CYP7B1: variants seen among roughly 807,000 people sequenced by gnomAD.
The protein encoded by CYP7B1 is cytochrome P450 7B1.
Under a neutral mutation model 42.7 loss-of-function variants are expected in CYP7B1, and 29 were observed. The observed-to-expected ratio is 0.68, with a 90% CI of 0.51 to 0.93. The LOEUF (loss-of-function observed/expected upper bound fraction) is 0.93. CYP7B1 is among the 40% of genes least tolerant of loss of function. CYP7B1 has a pLI of 0.00. For synonymous variants in CYP7B1, 235 were observed against 218.2 expected (o/e 1.08, Z -0.68); for missense variants, 655 against 600.5 (o/e 1.09, Z -0.95).
At chr8:64,679,162 T>TTTG (rs1338823920) in intron 1 of CYP7B1, among the ~76,000 whole-genome samples, 1 of 152,184 alleles carries the variant, frequency 6.6e-6, no homozygotes, top group Non-Finnish European at 1.5e-5. Context: ...ATAATCAAAC[T>TTTG]ATTTTTCCAC....
intron 1 of CYP7B1, among the ~76,000 whole-genome samples, chr8:64,792,537 T>G (rs1804635859): frequency 6.6e-6 from 1 of 152,158 alleles, no homozygotes; most frequent in African/African-American, 2.4e-5. Flanking sequence ...AATCAATTGT[T>G]GAAAAGATTA....
At chr8:64,605,766 T>C (rs1375308759) in intron 4 of CYP7B1, among the ~76,000 whole-genome samples, 1 of 152,020 alleles carries the variant, frequency 6.6e-6, no homozygotes, top group Non-Finnish European at 1.5e-5. Flanking sequence ...TAATCAGCAA[T>C]ATGAAAAAAA....
Position 64,776,076 on chromosome 8 carries a change from A to C in CYP7B1, c.122+22390T>G, listed in dbSNP as rs574607754. Among the ~76,000 whole-genome samples the C allele has an allele frequency of 2.6e-5, 4 of 152,254 alleles. No homozygotes were observed. The South Asian group carries it at 6.2e-4, about 24-fold the overall frequency. On this transcript the variant is annotated intron_variant, in intron 1 of 5. Coordinates refer to ENST00000310193, the MANE Select transcript of CYP7B1 (RefSeq NM_004820.5). Reference sequence around the variant, plus strand: ...TCTTTCAATAAGGAGATGTATTCTTAGTTATTTTATAGACCTGGTTGTAAC... The same window carrying C: ...TCTTTCAATAAGGAGATGTATTCTTCGTTATTTTATAGACCTGGTTGTAAC...
At chr8:64,720,410 T>C (rs968004571) in intron 1 of CYP7B1, among the ~76,000 whole-genome samples, 2 of 152,174 alleles carry the variant, frequency 1.3e-5, no homozygotes, top group Non-Finnish European at 2.9e-5. Context: ...TCAGCTGACC[T>C]ATAAAAGAGT....
At chr8:64,739,054 T>C (rs1807532060) in intron 1 of CYP7B1, among the ~76,000 whole-genome samples, 1 of 152,086 alleles carries the variant, frequency 6.6e-6, no homozygotes, top group African/African-American at 2.4e-5. Context: ...ATTTGTGAAA[T>C]ATTCAGAGCA....
intron 1 of CYP7B1, among the ~76,000 whole-genome samples, chr8:64,760,062 C>A (rs1807863484): frequency 6.6e-6 from 1 of 151,828 alleles, no homozygotes; most frequent in Non-Finnish European, 1.5e-5. Context: ...AATCACAGGC[C>A]AATAGAATAA....
chr8:64,597,059 G>T, intron 5 of CYP7B1, 130 bp from the exon 6 acceptor site: 4 of 731,006 alleles, frequency 5.5e-6, no homozygotes, highest in Non-Finnish European at 8.5e-6. Context: ...AGAAAAACTT[G>T]GCTGAGTGCA....
intron 1 of CYP7B1, among the ~76,000 whole-genome samples, chr8:64,624,952 T>C (rs1421700486): frequency 3.0e-3 from 24 of 8,080 alleles, no homozygotes; most frequent in African/African-American, 6.0e-3. Context: ...TATATCATTC[T>C]TTTTTTTTTT....
intron 1 of CYP7B1, among the ~76,000 whole-genome samples, chr8:64,666,888 C>T (rs1806288341): frequency 6.6e-6 from 1 of 152,156 alleles, no homozygotes; most frequent in Non-Finnish European, 1.5e-5. Context: ...CTGAGAGTTT[C>T]ATGTGAAAAT....
Position 64,607,909 on chromosome 8 carries a change from A to C in CYP7B1, c.1058-3052T>G, listed in dbSNP as rs77583649. Reference sequence around the variant, plus strand: ...CAAGAATGCAAATATTTTGAGATAAAATTTACACCAGGCACTGCAAGCTGC... The same window carrying C: ...CAAGAATGCAAATATTTTGAGATAACATTTACACCAGGCACTGCAAGCTGC... On this transcript the variant is annotated intron_variant, in intron 4 of 5. Transcript: ENST00000310193. Among the ~76,000 whole-genome samples, 418 of 152,348 alleles carry C rather than the reference A, an allele frequency of 2.7e-3. 5 individuals are homozygous for C. Among genetic ancestry groups the C allele is most frequent in the African/African-American group, 9.7e-3 (404 of 41,572 alleles).
chr8:64,771,219 C>A (rs867692952), intron 1 of CYP7B1, among the ~76,000 whole-genome samples: 20 of 151,694 alleles, frequency 1.3e-4, no homozygotes, highest in African/African-American at 4.8e-4. Flanking sequence ...TGCCACCATG[C>A]CCAGCTAATC....
intron 1 of CYP7B1, among the ~76,000 whole-genome samples, chr8:64,741,213 C>A (rs1169457854): frequency 1.3e-5 from 2 of 151,796 alleles, no homozygotes; most frequent in Non-Finnish European, 2.9e-5. Context: ...TAAAGAAAAA[C>A]CAGAAAATAA....
At position 64,594,908 on chromosome 8, in the gene CYP7B1, A is replaced by C. The variant is rs892582914; in HGVS notation, c.*1734T>G. On this transcript the variant is annotated 3_prime_UTR_variant, in exon 6 of 6. Coordinates refer to ENST00000310193, the MANE Select transcript of CYP7B1 (RefSeq NM_004820.5). ...GAGAAGATTCCATACTTGATGGGAG[A>C]CACCTGTGCTCAGATTCAAGAAGCA... is the stretch of plus-strand genomic sequence containing the variant. Among the ~76,000 whole-genome samples the C allele has an allele frequency of 6.6e-6, 1 of 152,238 alleles. No homozygotes were observed. The highest frequency in any genetic ancestry group is 1.5e-5 in the Non-Finnish European group (1 of 68,034).
At chr8:64,664,683 T>C (rs747367007) in intron 1 of CYP7B1, among the ~76,000 whole-genome samples, 1 of 152,182 alleles carries the variant, frequency 6.6e-6, no homozygotes, top group Non-Finnish European at 1.5e-5. Context: ...ATGGACTTTC[T>C]CTTGATGAGT....
intron 5 of CYP7B1, among the ~76,000 whole-genome samples, chr8:64,599,278 T>A (rs1388004030): frequency 1.3e-5 from 2 of 152,134 alleles, no homozygotes; most frequent in Non-Finnish European, 1.5e-5. Context: ...AAGCTCTGCC[T>A]CCTGGGTTCA....
Position 64,665,064 on chromosome 8 carries a change from C to G in CYP7B1, c.123-40525G>C, listed in dbSNP as rs141179204. On this transcript the variant is annotated intron_variant, in intron 1 of 5. Coordinates refer to ENST00000310193, the MANE Select transcript of CYP7B1 (RefSeq NM_004820.5). ...CTATGTGTCATATGTGAAAACGATGCTAGTCCATTACTGTCAGTGGGATGC... is the reference window on the plus strand; with the variant it reads ...CTATGTGTCATATGTGAAAACGATGGTAGTCCATTACTGTCAGTGGGATGC... Among the ~76,000 whole-genome samples the G allele has an allele frequency of 6.5e-4, 99 of 152,268 alleles. 1 individual carries two copies. Among genetic ancestry groups the G allele is most frequent in the African/African-American group, 2.1e-3 (86 of 41,536 alleles).
At chr8:64,623,048 C>G (rs1400497045) in intron 2 of CYP7B1, among the ~76,000 whole-genome samples, 1 of 151,966 alleles carries the variant, frequency 6.6e-6, no homozygotes, top group African/African-American at 2.4e-5. Flanking sequence ...GCTTACAGAG[C>G]ACAGACAGGA....
rs540286090 is a variant in CYP7B1, at chr8:64,628,230, G to A, written c.123-3691C>T. Among the ~76,000 whole-genome samples, 8 of 152,250 alleles carry A rather than the reference G, an allele frequency of 5.3e-5. 1 individual carries two copies. In the South Asian group the frequency reaches 1.7e-3, roughly 32 times the overall value. Reference sequence around the variant, plus strand: ...CAAATTTGAGCTTATACAGGCTCTTGATAACTAAACCCAAGTTCTATGCAA... The same window carrying A: ...CAAATTTGAGCTTATACAGGCTCTTAATAACTAAACCCAAGTTCTATGCAA... On this transcript the variant is annotated intron_variant, in intron 1 of 5. Coordinates refer to ENST00000310193, the MANE Select transcript of CYP7B1 (RefSeq NM_004820.5).
chr8:64,700,213 G>A (rs1056142211), intron 1 of CYP7B1, among the ~76,000 whole-genome samples: 6 of 151,946 alleles, frequency 3.9e-5, no homozygotes, highest in African/African-American at 7.3e-5. Flanking sequence ...CACCATAACC[G>A]GCCCTAACAC....
Sources: allele counts gnomAD v4.1 joint callset (sites outside exome capture counted in the v4.1 genomes callset), GRCh38; gene constraint gnomAD v4.1.1; transcripts MANE v1.5; gene names NCBI Gene and HGNC (gene_info 2026-07-23, HGNC 2026-07-21).